The following ARHGAP32 variants were observed in gnomAD, a reference collection of about 807,000 sequenced individuals.
The protein encoded by ARHGAP32 is Rho GTPase activating protein 32, also known as rho GTPase-activating protein 32.
A neutral mutation model predicts 186.5 loss-of-function variants in ARHGAP32; 51 were observed. The ratio of observed to expected loss-of-function variants is 0.27; its 90% CI spans 0.22 to 0.35. The LOEUF (loss-of-function observed/expected upper bound fraction) is 0.35. Ranked by LOEUF, ARHGAP32 falls within the 10% of genes least tolerant of loss-of-function variation. ARHGAP32 has a pLI of 1.00. For missense variants in ARHGAP32, 2,186 were observed against 2,623.5 expected (o/e 0.83, Z 3.64); for synonymous variants, 950 against 964.3 (o/e 0.99, Z 0.27).
chr11:129,164,500 A>G, intron 1 of ARHGAP32, 73 bp from the exon 2 acceptor site: 1 of 832,920 alleles, frequency 1.2e-6, no homozygotes, highest in Non-Finnish European at 1.9e-6. Flanking sequence ...ATCACAATTG[A>G]AAGAGCAGAA....
At chr11:129,274,645 G>A (rs770130559) in intron 1 of ARHGAP32, among the ~76,000 whole-genome samples, 1 of 152,054 alleles carries the variant, frequency 6.6e-6, no homozygotes, top group Non-Finnish European at 1.5e-5. Context: ...ACCAGCATTT[G>A]AAGTTGAGAG....
intron 1 of ARHGAP32, among the ~76,000 whole-genome samples, chr11:129,250,854 G>A (rs994648119): frequency 2.0e-5 from 3 of 151,794 alleles, no homozygotes; most frequent in Non-Finnish European, 4.4e-5. Context: ...AAATTAACTA[G>A]CTTACATATG....
At chr11:129,119,918 G>C (rs888674312) in intron 5 of ARHGAP32, among the ~76,000 whole-genome samples, 2 of 152,024 alleles carry the variant, frequency 1.3e-5, no homozygotes, top group African/African-American at 4.8e-5. Flanking sequence ...AGAAAGATGA[G>C]GTCGGAAAGG....
rs373646789 is a variant in ARHGAP32, at chr11:129,115,480, T to C, written c.444+7966A>G. On this transcript the variant is annotated intron_variant, in intron 5 of 22. Transcript: ENST00000682385. ...TTTCTCAGCTGAGTATCTGATAAAG[T>C]AACCGATGTGCTCATCTTTAAACAC... Among the ~76,000 whole-genome samples the C allele has an allele frequency of 3.2e-3, 484 of 152,236 alleles. 2 individuals carry two copies. The highest frequency in any genetic ancestry group is 0.01 in the African/African-American group (435 of 41,576).
Position 128,970,408 on chromosome 11 carries a change from G to A in ARHGAP32, c.4805C>T (p.Ala1602Val). Reference sequence around the variant, plus strand: ...AGAGCGAATCATGGAAGACGGCGGAGCATGGAGAGACTGCACTCTCCGGAT... The same window carrying A: ...AGAGCGAATCATGGAAGACGGCGGAACATGGAGAGACTGCACTCTCCGGAT... ...PTIRRVQSLH[A>V]PPSSMIRSVP... The change falls in exon 23 of 23, where the codon GCT becomes GTT. Residue 1602 changes from alanine to valine, a missense_variant. Physicochemically the swap from Ala to Val is moderately conservative, Grantham distance 64 (BLOSUM62 0). Around this residue, in one of 5 missense-constraint regions of ARHGAP32, gnomAD observed 1,502 missense variants for 1,570.0 expected, o/e 0.96. Coordinates refer to ENST00000682385, the MANE Select transcript of ARHGAP32 (RefSeq NM_001378024.1). This position sits in a 1 kb window ranked among gnomAD's most constrained non-coding sequence, Gnocchi z 5.8. 6.2e-7 allele frequency: 1 copy of A among 1,614,182 alleles called. No homozygotes were observed. Among genetic ancestry groups the A allele is most frequent in the African/African-American group, 1.3e-5 (1 of 75,044 alleles).
chr11:128,998,251 T>A (rs969296683), intron 12 of ARHGAP32, 68 bp downstream of exon 12: 1 of 1,291,512 alleles, frequency 7.7e-7, no homozygotes, highest in African/African-American at 1.5e-5. Flanking sequence ...TACTCCATAA[T>A]TGGTTATAGC....
chr11:129,014,582 A>G (rs1021894721), intron 11 of ARHGAP32, among the ~76,000 whole-genome samples: 2 of 152,232 alleles, frequency 1.3e-5, no homozygotes, highest in East Asian at 1.9e-4. Context: ...TATACATCAA[A>G]TTTTAGGAAA....
At chr11:129,109,968 AT>A (rs1216853791) in intron 5 of ARHGAP32, among the ~76,000 whole-genome samples, 5 of 151,906 alleles carry the variant, frequency 3.3e-5, no homozygotes, top group African/African-American at 7.3e-5. Context: ...TCATTTGTCT[AT>A]TTTTGTTTCT....
intron 1 of ARHGAP32, among the ~76,000 whole-genome samples, chr11:129,233,583 G>T (rs758561370): frequency 6.6e-6 from 1 of 151,098 alleles, no homozygotes; most frequent in Non-Finnish European, 1.5e-5. Flanking sequence ...ACAACTGAAC[G>T]TGTACAAGAC....
Position 129,093,611 on chromosome 11 carries a change from A to C in ARHGAP32, c.531+10T>G. 6.3e-7 allele frequency: 1 copy of C among 1,590,090 alleles called. No individual in the cohort carries two copies. Among genetic ancestry groups the C allele is most frequent in the Non-Finnish European group, 8.6e-7 (1 of 1,164,216 alleles). ...TTCATATGAAATGGAGAATACATTC[A>C]CAAAATCACCTGACAAGCAATCTGC... On this transcript the variant is annotated intron_variant, in intron 6 of 22. Transcript: ENST00000682385.
At chr11:129,272,597 G>A (rs372268012) in intron 1 of ARHGAP32, among the ~76,000 whole-genome samples, 1 of 152,170 alleles carries the variant, frequency 6.6e-6, no homozygotes. Flanking sequence ...TAAACCCTGA[G>A]GATCCTATAT....
Position 128,969,090 on chromosome 11 carries a change from T to G in ARHGAP32, c.6123A>C (p.Glu2041Asp). The G allele has an allele frequency of 6.2e-7, 1 of 1,607,066 alleles. No individual in the cohort carries two copies. The highest frequency in any genetic ancestry group is 1.3e-5 in the African/African-American group (1 of 74,964). The change falls in exon 23 of 23, where the codon GAA (glutamate) becomes GAC (aspartate). Residue 2041 changes from glutamate to aspartate, a missense_variant. Glu to Asp is a conservative substitution (Grantham distance 45, BLOSUM62 2). This residue lies in a region of ARHGAP32 where 1,502 missense variants were observed against 1,570.0 expected (regional missense o/e 0.96). Transcript: ENST00000682385. The surrounding 1 kb of genome is among the most constrained non-coding windows in gnomAD (Gnocchi z 4.8). Reference sequence around the variant, plus strand: ...GGTGCTGAGGCAGGGAGTGGTAATCTTCCAGGTTATCATACTGGGACACAA... The same window carrying G: ...GGTGCTGAGGCAGGGAGTGGTAATCGTCCAGGTTATCATACTGGGACACAA... ...VTVVSQYDNL[E>D]DYHSLPQHQR...
chr11:129,194,046 C>A (rs997915555), upstream of ARHGAP32, among the ~76,000 whole-genome samples: 1 of 151,512 alleles, frequency 6.6e-6, no homozygotes, highest in South Asian at 2.1e-4. Flanking sequence ...TAAAACAATA[C>A]ATAATAAGAT....
At chr11:129,069,156 C>T (rs531190775) in intron 6 of ARHGAP32, among the ~76,000 whole-genome samples, 1 of 152,172 alleles carries the variant, frequency 6.6e-6, no homozygotes, top group Non-Finnish European at 1.5e-5. Flanking sequence ...TTGCCAATGT[C>T]ATTACCACAC....
intron 7 of ARHGAP32, among the ~76,000 whole-genome samples, chr11:129,065,978 T>G (rs746295748): frequency 6.6e-6 from 1 of 152,162 alleles, no homozygotes; most frequent in Non-Finnish European, 1.5e-5. Context: ...TTGCTCTTAC[T>G]AAATTAATTT....
At chr11:129,147,647 G>A (rs1209218512) in intron 2 of ARHGAP32, among the ~76,000 whole-genome samples, 1 of 152,182 alleles carries the variant, frequency 6.6e-6, no homozygotes, top group African/African-American at 2.4e-5. Flanking sequence ...TGTACCCAGT[G>A]AAACAGAACA....
chr11:128,987,753 C>A (rs1456325963), intron 13 of ARHGAP32, among the ~76,000 whole-genome samples: 5 of 152,036 alleles, frequency 3.3e-5, no homozygotes, highest in Non-Finnish European at 4.4e-5. Context: ...TGGCTGTCAT[C>A]GGTTCAAACT....
At chr11:129,099,509 C>G (rs1254561707) in intron 5 of ARHGAP32, among the ~76,000 whole-genome samples, 1 of 152,042 alleles carries the variant, frequency 6.6e-6, no homozygotes, top group African/African-American at 2.4e-5. Context: ...GAAAATAACC[C>G]TGTTAAGTGA....
chr11:129,180,609 T>A (rs902144405), intron 1 of ARHGAP32, among the ~76,000 whole-genome samples: 1 of 152,174 alleles, frequency 6.6e-6, no homozygotes, highest in South Asian at 2.1e-4. Context: ...AGAAATTTAG[T>A]ATCCATTTAT....
Sources: allele counts gnomAD v4.1 joint callset (sites outside exome capture counted in the v4.1 genomes callset), GRCh38; gene constraint gnomAD v4.1.1; regional missense constraint gnomAD v4.1.1; non-coding constraint Gnocchi (gnomAD v3.1); transcripts MANE v1.5; gene names NCBI Gene and HGNC (gene_info 2026-07-23, HGNC 2026-07-21).